The following ADARB2 variants were observed in gnomAD, a reference collection of about 807,000 sequenced individuals.
ADARB2 encodes inactive double-stranded RNA-specific editase B2.
Under a neutral mutation model 62.2 loss-of-function variants are expected in ADARB2, and 25 were observed. The observed-to-expected ratio is 0.40, with a 90% CI of 0.29 to 0.56. ADARB2 has a LOEUF of 0.56. ADARB2 is among the 20% of genes least tolerant of loss of function. The pLI, the probability that ADARB2 is intolerant of heterozygous loss-of-function variation, is 0.43. For missense variants in ADARB2, 1,071 were observed against 1,077.4 expected, an observed-to-expected ratio of 0.99 and a Z score of 0.08; for synonymous variants, 572 against 500.8, an observed-to-expected ratio of 1.14 and a Z score of -1.90.
At chr10:1,696,166 GTGTC>G (rs1834742548) in intron 1 of ADARB2, among the ~76,000 whole-genome samples, 2 of 135,658 alleles carry the variant, frequency 1.5e-5, no homozygotes, top group Admixed American at 1.6e-4. Context: ...GTGTTTGCAT[GTGTC>G]TGTGTATGCA....
chr10:1,368,759 C>G (rs866772328), intron 2 of ADARB2, among the ~76,000 whole-genome samples: 4 of 152,260 alleles, frequency 2.6e-5, no homozygotes, highest in Admixed American at 1.3e-4. Context: ...AAGGGAAAAA[C>G]AGGCTTTGCC....
intron 1 of ADARB2, chr10:1,395,005 G>A (rs916682787): frequency 1.8e-5 from 8 of 453,536 alleles, no homozygotes; most frequent in Non-Finnish European, 2.6e-5. Flanking sequence ...CTGCAGCCTC[G>A]AACTCCTGGG....
chr10:1,226,046 C>G (rs569805355), intron 6 of ADARB2, among the ~76,000 whole-genome samples: 7 of 152,322 alleles, frequency 4.6e-5, no homozygotes, highest in Non-Finnish European at 8.8e-5. Flanking sequence ...TTCAGGTACA[C>G]CAATCAGACG....
chr10:1,203,314 C>T (rs1469557426), intron 7 of ADARB2, among the ~76,000 whole-genome samples: 2 of 152,158 alleles, frequency 1.3e-5, no homozygotes, highest in Admixed American at 1.3e-4. Context: ...GCTGCAGCCT[C>T]CAGGCCACAA....
At chr10:1,671,984 C>T (rs1186234475) in intron 1 of ADARB2, among the ~76,000 whole-genome samples, 3 of 151,926 alleles carry the variant, frequency 2.0e-5, no homozygotes, top group African/African-American at 7.3e-5. Context: ...TGTTCATGCA[C>T]ACTTCGGGGG....
intron 7 of ADARB2, among the ~76,000 whole-genome samples, chr10:1,207,069 G>A (rs1459045501): frequency 6.6e-6 from 1 of 152,182 alleles, no homozygotes; most frequent in Non-Finnish European, 1.5e-5. Context: ...ACTTAAGGCC[G>A]GGCGCGGTGG....
At chr10:1,401,224 G>A (rs938339535) in intron 1 of ADARB2, among the ~76,000 whole-genome samples, 57 of 152,332 alleles carry the variant, frequency 3.7e-4, no homozygotes, top group African/African-American at 1.3e-3. Flanking sequence ...GGAGGCAGCC[G>A]GGTGGGGGAC....
intron 1 of ADARB2, among the ~76,000 whole-genome samples, chr10:1,467,850 T>G (rs2131914382): frequency 6.6e-6 from 1 of 152,302 alleles, no homozygotes; most frequent in Non-Finnish European, 1.5e-5. Context: ...GGCTCTGACA[T>G]AGCGCTGTGT....
chr10:1,589,517 A>G (rs2132006642), intron 1 of ADARB2, among the ~76,000 whole-genome samples: 2 of 152,228 alleles, frequency 1.3e-5, no homozygotes, highest in Middle Eastern at 6.8e-3. Flanking sequence ...CGGGGCGTCC[A>G]TGGTCCAGGC....
intron 1 of ADARB2, among the ~76,000 whole-genome samples, chr10:1,563,965 A>C (rs1832824063): frequency 6.7e-6 from 1 of 149,628 alleles, no homozygotes; most frequent in Admixed American, 6.6e-5. Context: ...TGAACTCATC[A>C]TTTTTTATGG....
At chr10:1,394,802 A>G in intron 1 of ADARB2, 1 of 456,496 alleles carries the variant, frequency 2.2e-6, no homozygotes, top group Non-Finnish European at 4.4e-6. Context: ...GTCTAAGGGG[A>G]GGAGCTGCTT....
At chr10:1,258,756 C>A (rs956642969) in intron 4 of ADARB2, among the ~76,000 whole-genome samples, 3 of 152,186 alleles carry the variant, frequency 2.0e-5, no homozygotes, top group Non-Finnish European at 4.4e-5. Context: ...ATAAAGTTAA[C>A]AAGGATATCC....
chr10:1,497,897 G>T (rs762056301), intron 1 of ADARB2, among the ~76,000 whole-genome samples: 2 of 152,122 alleles, frequency 1.3e-5, no homozygotes, highest in African/African-American at 2.4e-5. Context: ...GGAAGTTGAG[G>T]CATGGAAGAG....
At chr10:1,210,258 A>G (rs1837131796) in intron 7 of ADARB2, among the ~76,000 whole-genome samples, 1 of 152,238 alleles carries the variant, frequency 6.6e-6, no homozygotes, top group Admixed American at 6.5e-5. Flanking sequence ...ATACAATTCT[A>G]TCCATTTATT....
intron 1 of ADARB2, among the ~76,000 whole-genome samples, chr10:1,453,360 G>A (rs1041987933): frequency 1.3e-5 from 2 of 152,084 alleles, no homozygotes; most frequent in Admixed American, 6.5e-5. Flanking sequence ...ATGTCATGAC[G>A]CTTCCCCTAT....
chr10:1,280,838 C>T (rs569704900), intron 3 of ADARB2, among the ~76,000 whole-genome samples: 14 of 152,298 alleles, frequency 9.2e-5, no homozygotes, highest in Admixed American at 5.2e-4. Flanking sequence ...CTCAATCCCC[C>T]GTTTCTCTCT....
intron 1 of ADARB2, among the ~76,000 whole-genome samples, chr10:1,527,164 C>T (rs1475201232): frequency 6.6e-6 from 1 of 152,156 alleles, no homozygotes; most frequent in Non-Finnish European, 1.5e-5. Flanking sequence ...CTTCTCCCTC[C>T]GCTTCCCTCA....
intron 6 of ADARB2, among the ~76,000 whole-genome samples, chr10:1,218,723 T>C (rs1008046466): frequency 6.6e-6 from 1 of 152,100 alleles, no homozygotes; most frequent in African/African-American, 2.4e-5. Context: ...GGCAGTGAAT[T>C]GTTCTCATGA....
At chr10:1,507,514 T>C (rs1349665933) in intron 1 of ADARB2, among the ~76,000 whole-genome samples, 1 of 152,220 alleles carries the variant, frequency 6.6e-6, no homozygotes, top group East Asian at 1.9e-4. Context: ...CTTCCTTTAC[T>C]ACGTGAATCT....
Sources: gnomAD v4.1 joint callset for allele counts (sites outside exome capture counted in the v4.1 genomes callset) on GRCh38, gnomAD v4.1.1 for gene constraint, MANE v1.5 for transcripts, NCBI Gene and HGNC (gene_info 2026-07-23, HGNC 2026-07-21) for gene names.